ACER3: variants seen among roughly 807,000 people sequenced by gnomAD.
ACER3 encodes alkaline ceramidase 3, also known as alkCDase 3.
In ACER3, 16 loss-of-function variants were observed where a neutral mutation model predicts 48.9. That is an observed-to-expected ratio of 0.33 (90% confidence interval 0.22 to 0.50). ACER3 has a LOEUF of 0.50. Among genes scored for constraint, ACER3 ranks in the 20% least tolerant of loss-of-function variants. The pLI is 0.98. For missense variants in ACER3, 227 were observed against 326.0 expected (o/e 0.70, Z 2.34); for synonymous variants, 109 against 107.8 (o/e 1.01, Z -0.07).
At chr11:77,010,987 G>A (rs924121932) in intron 7 of ACER3, among the ~76,000 whole-genome samples, 4 of 152,132 alleles carry the variant, frequency 2.6e-5, no homozygotes, top group South Asian at 2.1e-4. Flanking sequence ...GACGTGCTTC[G>A]CCAAAATGAG....
At chr11:76,886,018 T>C (rs1234787713) in intron 1 of ACER3, among the ~76,000 whole-genome samples, 2 of 152,206 alleles carry the variant, frequency 1.3e-5, no homozygotes, top group Admixed American at 1.3e-4. Flanking sequence ...AAATAAACAA[T>C]TAACCAAGTA....
At chr11:76,873,251 G>C (rs1945291164) in intron 1 of ACER3, among the ~76,000 whole-genome samples, 1 of 151,876 alleles carries the variant, frequency 6.6e-6, no homozygotes, top group Non-Finnish European at 1.5e-5. Context: ...CAGTGCTGCT[G>C]GTCTGGAGAC....
intron 5 of ACER3, among the ~76,000 whole-genome samples, chr11:76,986,012 A>G (rs964684305): frequency 3.9e-5 from 6 of 152,346 alleles, no homozygotes; most frequent in African/African-American, 1.4e-4. Flanking sequence ...ATAGATGGAC[A>G]TATTAGCTCC....
intron 1 of ACER3, among the ~76,000 whole-genome samples, chr11:76,891,541 A>G (rs1232916973): frequency 2.6e-5 from 4 of 152,192 alleles, no homozygotes; most frequent in Non-Finnish European, 4.4e-5. Context: ...GAGCCATTAT[A>G]GCAAATTAAT....
intron 3 of ACER3, among the ~76,000 whole-genome samples, chr11:76,965,140 G>A (rs955969789): frequency 3.3e-5 from 5 of 151,456 alleles, no homozygotes; most frequent in Non-Finnish European, 4.4e-5. Flanking sequence ...TGAAAACCAC[G>A]GCACGAGAAC....
At chr11:76,908,855 A>G (rs1430968235) in intron 1 of ACER3, among the ~76,000 whole-genome samples, 1 of 152,198 alleles carries the variant, frequency 6.6e-6, no homozygotes, top group African/African-American at 2.4e-5. Context: ...GCATCATTCT[A>G]CCTGACTTCA....
At chr11:76,923,180 G>A (rs1305642711) in intron 1 of ACER3, among the ~76,000 whole-genome samples, 1 of 151,062 alleles carries the variant, frequency 6.6e-6, no homozygotes, top group East Asian at 1.9e-4. Context: ...CTTGATTGAG[G>A]TATAATTGAG....
chr11:76,962,358 T>A (rs1386585124), intron 3 of ACER3, among the ~76,000 whole-genome samples: 5 of 150,528 alleles, frequency 3.3e-5, no homozygotes, highest in Non-Finnish European at 7.4e-5. Context: ...TAGCTGGGGT[T>A]ATAAGCACCC....
intron 2 of ACER3, among the ~76,000 whole-genome samples, chr11:76,933,232 T>G (rs1180574814): frequency 2.2e-5 from 2 of 89,128 alleles, no homozygotes; most frequent in Non-Finnish European, 5.1e-5. Flanking sequence ...CAGTCTTGAA[T>G]TAGAAATCTT....
chr11:76,879,129 G>A (rs975200573), intron 1 of ACER3, among the ~76,000 whole-genome samples: 1 of 152,002 alleles, frequency 6.6e-6, no homozygotes, highest in African/African-American at 2.4e-5. Flanking sequence ...TTTTTTAAAG[G>A]TGTTTTTTTG....
chr11:76,886,114 G>A (rs1019378983), intron 1 of ACER3, among the ~76,000 whole-genome samples: 1 of 152,228 alleles, frequency 6.6e-6, no homozygotes, highest in Non-Finnish European at 1.5e-5. Flanking sequence ...TTTAGATAGG[G>A]TAGTTAAGGA....
chr11:76,910,247 A>G (rs984116281), intron 1 of ACER3, among the ~76,000 whole-genome samples: 1 of 152,174 alleles, frequency 6.6e-6, no homozygotes, highest in Non-Finnish European at 1.5e-5. Context: ...CGTTCTGCAC[A>G]TGTGTCCCAG....
At chr11:76,919,027 G>T (rs878929302) in intron 1 of ACER3, among the ~76,000 whole-genome samples, 5 of 152,192 alleles carry the variant, frequency 3.3e-5, no homozygotes, top group Non-Finnish European at 7.4e-5. Flanking sequence ...GCTCAAACCA[G>T]TTACAGCTTT....
chr11:76,936,381 A>G (rs1169744426), intron 2 of ACER3, among the ~76,000 whole-genome samples: 1 of 152,238 alleles, frequency 6.6e-6, no homozygotes, highest in Non-Finnish European at 1.5e-5. Context: ...CCTTATACAT[A>G]AGAATAAATT....
intron 2 of ACER3, among the ~76,000 whole-genome samples, chr11:76,940,558 ATGAG>A (rs1214047701): frequency 6.6e-6 from 1 of 152,204 alleles, no homozygotes; most frequent in Non-Finnish European, 1.5e-5. Context: ...TTAACAATGA[ATGAG>A]AGTTTTGGAA....
intron 1 of ACER3, among the ~76,000 whole-genome samples, chr11:76,880,262 T>G (rs79385241): frequency 3.1e-4 from 47 of 152,338 alleles, no homozygotes; most frequent in African/African-American, 1.1e-3. Context: ...AGATCTTTCT[T>G]TGTTAATAGA....
chr11:77,013,558 G>T (rs1199984097), intron 7 of ACER3, among the ~76,000 whole-genome samples: 1 of 152,028 alleles, frequency 6.6e-6, no homozygotes, highest in Non-Finnish European at 1.5e-5. Flanking sequence ...CAGCTAAAAT[G>T]AAAAAGACTG....
chr11:76,908,832 A>C (rs1250731278), intron 1 of ACER3, among the ~76,000 whole-genome samples: 1 of 152,194 alleles, frequency 6.6e-6, no homozygotes, highest in African/African-American at 2.4e-5. Context: ...AAGCAAAAAG[A>C]ACAAAGCTGG....
intron 2 of ACER3, among the ~76,000 whole-genome samples, chr11:76,946,224 A>G (rs1026479192): frequency 6.6e-6 from 1 of 152,216 alleles, no homozygotes; most frequent in Non-Finnish European, 1.5e-5. Context: ...ATGCAGCCTT[A>G]TCAGCTCAAA....
Sources: allele counts gnomAD v4.1 joint callset (sites outside exome capture counted in the v4.1 genomes callset), GRCh38; gene constraint gnomAD v4.1.1; transcripts MANE v1.5; gene names NCBI Gene and HGNC (gene_info 2026-07-23, HGNC 2026-07-21).